The following TOM1L1 variants were observed in gnomAD, a reference collection of about 807,000 sequenced individuals.
The protein encoded by TOM1L1 is target of myb1 like 1 membrane trafficking protein, also known as TOM1-like protein 1.
TOM1L1 carries 64 observed loss-of-function variants against 63.4 expected under a neutral mutation model. The observed-to-expected ratio is 1.01, with a 90% CI of 0.83 to 1.24. TOM1L1 has a LOEUF of 1.24. Ranked by LOEUF, TOM1L1 falls within the 50% of genes most tolerant of loss-of-function variation. The pLI is 0.00. For missense variants in TOM1L1, 536 were observed against 567.0 expected (o/e 0.95, Z 0.55); for synonymous variants, 166 against 194.4 (o/e 0.85, Z 1.22).
intron 2 of TOM1L1, among the ~76,000 whole-genome samples, chr17:54,904,036 A>G (rs1360057779): frequency 1.3e-5 from 2 of 152,088 alleles, no homozygotes; most frequent in African/African-American, 4.8e-5. Flanking sequence ...AATAGTTTCA[A>G]ATTTTGTCAC....
At chr17:54,932,202 G>T (rs2048874500) in intron 8 of TOM1L1, among the ~76,000 whole-genome samples, 1 of 152,118 alleles carries the variant, frequency 6.6e-6, no homozygotes, top group Admixed American at 6.5e-5. Context: ...AGCAATTCCT[G>T]TCCGTTTTAA....
At chr17:54,957,513 G>C (rs2076972646) in intron 14 of TOM1L1, 1 of 152,230 alleles carries the variant, frequency 6.6e-6, no homozygotes, top group Non-Finnish European at 1.5e-5. Context: ...CAGTGTCACA[G>C]ATACTGGCGG....
At chr17:54,931,804 A>G (rs1405206906) in intron 8 of TOM1L1, among the ~76,000 whole-genome samples, 1 of 152,044 alleles carries the variant, frequency 6.6e-6, no homozygotes, top group African/African-American at 2.4e-5. Context: ...CCCTGTCTCA[A>G]AAAAGAGAAA....
chr17:54,918,277 A>G (rs1253998299), intron 7 of TOM1L1, among the ~76,000 whole-genome samples: 4 of 152,160 alleles, frequency 2.6e-5, no homozygotes, highest in Non-Finnish European at 5.9e-5. Context: ...AGGGTTGTTT[A>G]AAAAATAATA....
intron 2 of TOM1L1, among the ~76,000 whole-genome samples, chr17:54,904,369 CAAAA>C (rs1165559722): frequency 3.8e-5 from 3 of 78,152 alleles, no homozygotes; most frequent in Admixed American, 1.3e-4. Context: ...GACTCTATCT[CAAAA>C]AAAAAAAAAA....
chr17:54,938,546 G>A (rs1270979349), intron 10 of TOM1L1: 3 of 151,972 alleles, frequency 2.0e-5, no homozygotes, highest in African/African-American at 7.4e-5. Context: ...GGTGAAGGTA[G>A]AGCTCAGTAT....
intron 12 of TOM1L1, among the ~76,000 whole-genome samples, chr17:54,948,098 C>CT (rs1321087633): frequency 1.3e-5 from 2 of 152,144 alleles, no homozygotes; most frequent in East Asian, 3.9e-4. Context: ...TTGCCTTTTA[C>CT]TTTTAAAATA....
chr17:54,920,561 C>A (rs531311675), intron 7 of TOM1L1, among the ~76,000 whole-genome samples: 17 of 152,314 alleles, frequency 1.1e-4, no homozygotes, highest in African/African-American at 3.9e-4. Flanking sequence ...GAGCTCACAG[C>A]CCCACCCAGG....
intron 14 of TOM1L1, 23 bp from the exon 15 acceptor site, chr17:54,960,543 T>C: frequency 6.2e-7 from 1 of 1,605,538 alleles, no homozygotes; most frequent in East Asian, 2.2e-5. Flanking sequence ...CATAACCCTT[T>C]TGCTGTGATG....
At chr17:54,941,412 G>C (rs926018390) in intron 11 of TOM1L1, among the ~76,000 whole-genome samples, 1 of 152,206 alleles carries the variant, frequency 6.6e-6, no homozygotes, top group Admixed American at 6.5e-5. Flanking sequence ...GTTGGGAAAT[G>C]ATTAAGTGTC....
Position 54,961,313 on chromosome 17 carries a change from C to A in TOM1L1, c.*80C>A, listed in dbSNP as rs1446406242. ...CGTAGACTCTGTGCAGCTTTGAAGCCTGGAAGACAATACCTACCAACATGT... is the reference window on the plus strand; with the variant it reads ...CGTAGACTCTGTGCAGCTTTGAAGCATGGAAGACAATACCTACCAACATGT... On this transcript the variant is annotated 3_prime_UTR_variant, in exon 16 of 16. Coordinates refer to ENST00000575882, the MANE Select transcript of TOM1L1 (RefSeq NM_005486.3). 5 of 1,551,546 alleles carry A rather than the reference C, an allele frequency of 3.2e-6. No individual in the cohort carries two copies. Among genetic ancestry groups the A allele is most frequent in the Non-Finnish European group, 4.4e-6 (5 of 1,146,902 alleles).
chr17:54,925,555 C>T (rs534534720), intron 7 of TOM1L1, among the ~76,000 whole-genome samples: 1 of 152,296 alleles, frequency 6.6e-6, no homozygotes, highest in African/African-American at 2.4e-5. Context: ...TTCTTGGCTG[C>T]TCTTGCACAT....
Position 54,961,362 on chromosome 17 carries a change from G to A in TOM1L1, c.*129G>A, listed in dbSNP as rs1598101553. 1 of 1,551,002 alleles carries A rather than the reference G, an allele frequency of 6.4e-7. No individual in the cohort carries two copies. Among genetic ancestry groups the A allele is most frequent in the East Asian group, 2.4e-5 (1 of 40,900 alleles). On this transcript the variant is annotated 3_prime_UTR_variant, in exon 16 of 16. Transcript: ENST00000575882. The stretch of plus-strand genomic sequence containing the variant: ...GTCAAAGCCATGGTGGCACATTTCT[G>A]CTATAATGAAGATTAAATAGAATAA...
At chr17:54,947,230 GT>G (rs748303454) in intron 11 of TOM1L1, 30 bp from the exon 12 acceptor site, 3 of 1,611,000 alleles carry the variant, frequency 1.9e-6, no homozygotes, top group Non-Finnish European at 2.5e-6. Context: ...TCACTGTAGG[GT>G]AATCATTCTG....
At chr17:54,931,556 T>C (rs1391632224) in intron 8 of TOM1L1, among the ~76,000 whole-genome samples, 1 of 152,164 alleles carries the variant, frequency 6.6e-6, no homozygotes, top group Non-Finnish European at 1.5e-5. Context: ...TCCCAGCACC[T>C]TGGGAGGCTG....
intron 7 of TOM1L1, among the ~76,000 whole-genome samples, chr17:54,919,011 G>A (rs2048637126): frequency 6.6e-6 from 1 of 152,136 alleles, no homozygotes; most frequent in Non-Finnish European, 1.5e-5. Flanking sequence ...TTTTGCTAAG[G>A]ATCCTTGGGG....
intron 14 of TOM1L1, among the ~76,000 whole-genome samples, chr17:54,955,323 G>A (rs959744435): frequency 2.0e-5 from 3 of 152,152 alleles, no homozygotes; most frequent in South Asian, 2.1e-4. Flanking sequence ...TGGGGAGGTA[G>A]GTAAATCAAT....
chr17:54,921,554 A>G (rs1235509782), intron 7 of TOM1L1, among the ~76,000 whole-genome samples: 3 of 152,010 alleles, frequency 2.0e-5, no homozygotes, highest in East Asian at 3.9e-4. Context: ...AGCCTGGCCA[A>G]CATGTGAAAC....
chr17:54,913,689 T>TAAA, intron 4 of TOM1L1, 59 bp from the exon 5 acceptor site: 1 of 1,428,534 alleles, frequency 7.0e-7, no homozygotes, highest in Non-Finnish European at 9.3e-7. Flanking sequence ...AAAAAAAGAA[T>TAAA]TGTGTTTTGG....
Sources: allele counts gnomAD v4.1 joint callset (sites outside exome capture counted in the v4.1 genomes callset), GRCh38; gene constraint gnomAD v4.1.1; transcripts MANE v1.5; gene names NCBI Gene and HGNC (gene_info 2026-07-23, HGNC 2026-07-21).